Variants in CFAP418 observed in about 807,000 individuals in gnomAD.
The protein encoded by CFAP418 is cilia and flagella associated protein 418, also known as cilia- and flagella-associated protein 418.
Under a neutral mutation model 24.7 loss-of-function variants are expected in CFAP418, and 27 were observed. That is an observed-to-expected ratio of 1.09 (90% CI 0.81 to 1.51). CFAP418 has a LOEUF of 1.51. Ranked by LOEUF, CFAP418 falls within the 40% of genes most tolerant of loss-of-function variation. The pLI is 0.00. For synonymous variants in CFAP418, 74 were observed against 87.3 expected (o/e 0.85, Z 0.85); for missense variants, 257 against 255.2 (o/e 1.01, Z -0.05).
intron 1 of CFAP418, 194 bp downstream of exon 1, chr8:95,268,841 A>T: frequency 1.7e-6 from 1 of 579,742 alleles, no homozygotes; most frequent in South Asian, 2.2e-5. Flanking sequence ...CGCTGAGTGA[A>T]GAGGTGCCAG....
chr8:95,248,899 C>A (rs948285043), intron 5 of CFAP418, among the ~76,000 whole-genome samples: 1 of 151,582 alleles, frequency 6.6e-6, no homozygotes, highest in South Asian at 2.1e-4. Context: ...CAATGGGCAC[C>A]ATATTCAGTA....
intron 1 of CFAP418, among the ~76,000 whole-genome samples, chr8:95,265,296 C>T (rs937605259): frequency 3.3e-5 from 5 of 152,096 alleles, no homozygotes; most frequent in African/African-American, 1.2e-4. Flanking sequence ...TCTAGAGATA[C>T]CGACTTAGTT....
intron 2 of CFAP418, among the ~76,000 whole-genome samples, chr8:95,262,482 C>T (rs1003146237): frequency 6.6e-6 from 1 of 151,918 alleles, no homozygotes; most frequent in African/African-American, 2.4e-5. Context: ...AAAACAAAAC[C>T]CTGGTACTAT....
intron 1 of CFAP418, among the ~76,000 whole-genome samples, chr8:95,267,726 A>G (rs780862183): frequency 3.9e-5 from 6 of 152,232 alleles, no homozygotes; most frequent in Non-Finnish European, 7.3e-5. Context: ...AGATGCAGCA[A>G]AAAAATTAAC....
At chr8:95,252,084 G>A in intron 5 of CFAP418, 104 bp downstream of exon 5, 2 of 799,382 alleles carry the variant, frequency 2.5e-6, no homozygotes, top group Non-Finnish European at 4.2e-6. Context: ...CTGAAGAGGT[G>A]AAGCCCACAA....
intron 2 of CFAP418, among the ~76,000 whole-genome samples, chr8:95,260,891 T>C (rs1278601512): frequency 6.6e-6 from 1 of 152,164 alleles, no homozygotes; most frequent in East Asian, 1.9e-4. Context: ...AAAAATTCAA[T>C]TGAGGAGGAA....
At chr8:95,257,775 A>G (rs1396888244) in intron 4 of CFAP418, among the ~76,000 whole-genome samples, 2 of 152,224 alleles carry the variant, frequency 1.3e-5, no homozygotes, top group Admixed American at 6.5e-5. Context: ...CTTGATAATG[A>G]TAATAAACTA....
intron 1 of CFAP418, among the ~76,000 whole-genome samples, chr8:95,268,466 C>T (rs529266040): frequency 2.6e-5 from 4 of 152,166 alleles, no homozygotes; most frequent in Admixed American, 2.0e-4. Flanking sequence ...CAGAGCGAGA[C>T]TCCATCTCAA....
At chr8:95,258,198 T>C (rs972658501) in intron 4 of CFAP418, among the ~76,000 whole-genome samples, 5 of 151,752 alleles carry the variant, frequency 3.3e-5, no homozygotes, top group Admixed American at 6.6e-5. Flanking sequence ...CTGGATAACA[T>C]AGTGAAACCC....
Position 95,246,815 on chromosome 8 carries a change from C to G in CFAP418, c.*802G>C, listed in dbSNP as rs1398281777. The G allele has an allele frequency of 6.6e-6, 1 of 152,170 alleles. No homozygotes were observed. Among genetic ancestry groups the G allele is most frequent in the Admixed American group, 6.5e-5 (1 of 15,282 alleles). The allele number at this position is 152,170 out of a possible 1,614,324, so 9.4% of individuals were successfully genotyped here. A position where few individuals can be genotyped will look rare whatever the true frequency, so the allele number is the denominator to read the frequency against. ...GCTGCCTGAAAAATTATATTACTTG[C>G]TGTTTACTTCCCTTGATGGAGTTTT... On this transcript the variant is annotated 3_prime_UTR_variant, in exon 6 of 6. Transcript: ENST00000286688.
intron 1 of CFAP418, among the ~76,000 whole-genome samples, chr8:95,267,800 T>C (rs1812021860): frequency 6.6e-6 from 1 of 151,994 alleles, no homozygotes; most frequent in South Asian, 2.1e-4. Flanking sequence ...GTTTCCAAAA[T>C]ATTCTAGGCA....
At chr8:95,268,908 T>C in intron 1 of CFAP418, 127 bp downstream of exon 1, 2 of 1,058,024 alleles carry the variant, frequency 1.9e-6, no homozygotes, top group Non-Finnish European at 1.4e-6. Flanking sequence ...GCTGAGGGTC[T>C]GAACCCTGAT....
At chr8:95,259,315 T>G (rs1055626903) in intron 4 of CFAP418, among the ~76,000 whole-genome samples, 14 of 152,146 alleles carry the variant, frequency 9.2e-5, no homozygotes, top group African/African-American at 3.4e-4. Flanking sequence ...GGTGGCATCA[T>G]GACTATAAGA....
chr8:95,260,343 T>C, intron 3 of CFAP418, 125 bp downstream of exon 3: 1 of 685,738 alleles, frequency 1.5e-6, no homozygotes. Context: ...GTCTTTCTCC[T>C]GAAGGCCAAC....
intron 5 of CFAP418, among the ~76,000 whole-genome samples, chr8:95,249,802 A>G (rs955169635): frequency 2.6e-5 from 4 of 152,184 alleles, no homozygotes; most frequent in Non-Finnish European, 5.9e-5. Flanking sequence ...TGGTTTCCTC[A>G]GTGATTATTC....
At chr8:95,252,472 A>C (rs1227735449) in intron 4 of CFAP418, among the ~76,000 whole-genome samples, 189 bp from the exon 5 acceptor site, 1 of 152,248 alleles carries the variant, frequency 6.6e-6, no homozygotes, top group African/African-American at 2.4e-5. Flanking sequence ...CTTAAGGTTA[A>C]ATTTTTGCAC....
intron 4 of CFAP418, among the ~76,000 whole-genome samples, chr8:95,258,897 C>T (rs922200484): frequency 6.6e-6 from 1 of 152,174 alleles, no homozygotes; most frequent in Non-Finnish European, 1.5e-5. Flanking sequence ...TAGTATACCA[C>T]CTAGCCTAGG....
chr8:95,248,349 A>G (rs906367854), intron 5 of CFAP418, among the ~76,000 whole-genome samples: 3 of 152,204 alleles, frequency 2.0e-5, no homozygotes, highest in African/African-American at 7.2e-5. Flanking sequence ...TCAGAGATGA[A>G]ATAATATGAA....
chr8:95,269,027 C>G lies in CFAP418; in HGVS notation c.155+8G>C. 1 of 1,613,682 alleles carries G rather than the reference C, an allele frequency of 6.2e-7. No individual in the cohort carries two copies. Among genetic ancestry groups the G allele is most frequent in the African/African-American group, 1.3e-5 (1 of 75,046 alleles). On this transcript the variant is annotated splice_region_variant and intron_variant, in intron 1 of 5. Transcript: ENST00000286688. Reference sequence around the variant, plus strand: ...ACCAGAACAGTCCACCCCTCCCGCCCGGTTAACCTGAGCGTCTCTTTCGCC... The same window carrying G: ...ACCAGAACAGTCCACCCCTCCCGCCGGGTTAACCTGAGCGTCTCTTTCGCC...
Sources: allele counts gnomAD v4.1 joint callset (sites outside exome capture counted in the v4.1 genomes callset), GRCh38; gene constraint gnomAD v4.1.1; transcripts MANE v1.5; gene names NCBI Gene and HGNC (gene_info 2026-07-23, HGNC 2026-07-21).